WDR72: variants seen among roughly 807,000 people sequenced by gnomAD.
The protein encoded by WDR72 is WD repeat domain 72, also known as WD repeat-containing protein 72.
Under a neutral mutation model 124.2 loss-of-function variants are expected in WDR72, and 120 were observed. The observed-to-expected ratio is 0.97, with a 90% CI of 0.83 to 1.12. The LOEUF (loss-of-function observed/expected upper bound fraction) is 1.12, where lower values mean the gene tolerates loss of function less well. WDR72 is among the 50% of genes most tolerant of loss of function. WDR72 has a pLI of 0.00. For missense variants in WDR72, 1,387 were observed against 1,278.8 expected (o/e 1.08, Z -1.29); for synonymous variants, 452 against 441.7 (o/e 1.02, Z -0.29).
At chr15:53,638,580 CTTT>C (rs3081298) in intron 14 of WDR72, among the ~76,000 whole-genome samples, 42,605 of 125,502 alleles carry the variant, frequency 0.34, 6,398 homozygotes, top group Middle Eastern at 0.54. Flanking sequence ...TAATCACATT[CTTT>C]TTTTTTTTTT....
intron 6 of WDR72, 72 bp from the exon 7 acceptor site, chr15:53,712,963 C>A: frequency 6.5e-7 from 1 of 1,541,010 alleles, no homozygotes; most frequent in Non-Finnish European, 8.9e-7. Flanking sequence ...AGACCTGCTT[C>A]CCGTACATCT....
chr15:53,732,871 T>C, intron 2 of WDR72, 126 bp downstream of exon 2: 1 of 1,152,208 alleles, frequency 8.7e-7, no homozygotes, highest in Non-Finnish European at 1.3e-6. Context: ...GTAAAATCAA[T>C]TTATTACTTT....
intron 13 of WDR72, among the ~76,000 whole-genome samples, chr15:53,685,770 A>G (rs1359898403): frequency 6.7e-6 from 1 of 150,040 alleles, no homozygotes; most frequent in African/African-American, 2.5e-5. Flanking sequence ...CAGATTCACC[A>G]AAGTTGAAAT....
intron 19 of WDR72, among the ~76,000 whole-genome samples, chr15:53,519,781 G>A (rs1053112670): frequency 6.6e-6 from 1 of 151,980 alleles, no homozygotes; most frequent in Non-Finnish European, 1.5e-5. Flanking sequence ...GTGCTCTAGA[G>A]ACCAGGTGAA....
rs1555419638 is a variant in WDR72 at position 53,655,259 on chromosome 15, A to AAG, written c.1962+10311_1962+10312dup. On this transcript the variant is annotated intron_variant, in intron 14 of 19. Transcript: ENST00000360509. ...AAAAAAAAAAAAAAAAAAAAAAAAAAAGAGATCTTAAAGACAATTTGTTAC... is the reference window on the plus strand; with the variant it reads ...AAAAAAAAAAAAAAAAAAAAAAAAAAAGAGAGATCTTAAAGACAATTTGTTAC... Among the ~76,000 whole-genome samples the AAG allele has an allele frequency of 7.3e-3, 876 of 119,262 alleles. 34 individuals carry two copies. Among genetic ancestry groups the AAG allele is most frequent in the East Asian group, 0.026 (87 of 3,386 alleles). The allele number at this position is 119,262 out of a possible 152,430, so 78.2% of individuals were successfully genotyped here.
chr15:53,569,003 G>A (rs548339728), intron 18 of WDR72, among the ~76,000 whole-genome samples: 5 of 151,948 alleles, frequency 3.3e-5, no homozygotes, highest in Non-Finnish European at 7.4e-5. Flanking sequence ...TTTTCTTAGA[G>A]TAATTGGGAG....
intron 18 of WDR72, among the ~76,000 whole-genome samples, chr15:53,560,417 C>T (rs1039311957): frequency 2.0e-5 from 3 of 151,822 alleles, no homozygotes; most frequent in South Asian, 2.1e-4. Context: ...CTTGTCCTTA[C>T]GAGCAACTCT....
At position 53,712,788 on chromosome 15, in the gene WDR72, A is replaced by G. The variant is rs754031142; in HGVS notation, c.695T>C (p.Phe232Ser). ...TYTERLLLVV[F>S]SKCWKVYDYC... ...TTATAATACCTTCCAACATTTAGAAAATACCACCAATAGAAGTCTCTCAGT... is the reference window on the plus strand; with the variant it reads ...TTATAATACCTTCCAACATTTAGAAGATACCACCAATAGAAGTCTCTCAGT... The change falls in exon 7 of 20, where the codon TTT (phenylalanine) becomes TCT (serine). Residue 232 changes from phenylalanine (F) to serine (S), a missense_variant. By Grantham distance (155) the Phe-to-Ser change is radical. Transcript: ENST00000360509. The G allele has an allele frequency of 5.0e-6, 8 of 1,613,026 alleles. No individual in the cohort carries two copies. The highest frequency in any genetic ancestry group is 6.8e-6 in the Non-Finnish European group (8 of 1,179,222).
rs116284005 is a variant in WDR72, at chr15:53,595,214, A to G, written c.3148+1865T>C. 9.4e-3 allele frequency among the ~76,000 whole-genome samples: 1,427 copies of G among 152,276 alleles called. 32 individuals are homozygous for G. The highest frequency in any genetic ancestry group is 0.033 in the African/African-American group (1,376 of 41,566). On this transcript the variant is annotated intron_variant, in intron 18 of 19. Coordinates refer to ENST00000360509, the MANE Select transcript of WDR72 (RefSeq NM_182758.4). ...CAAAAAAAGGACTATTCAATAATTA[A>G]TCAAAAGAGAGTTAATACCACACTT...
In WDR72 at chr15:53,710,563, C is replaced by T. The variant is rs190836665; in HGVS notation, c.954+294G>A. Among the ~76,000 whole-genome samples the T allele has an allele frequency of 1.2e-3, 180 of 152,244 alleles. 1 individual carries two copies. The highest frequency in any genetic ancestry group is 2.3e-3 in the Non-Finnish European group (158 of 68,006). ...AAAAAATCTCAGTGAATATGTACTG[C>T]GGTGAAATTAGGAATTTTAATTTCT... On this transcript the variant is annotated intron_variant, in intron 9 of 19. Coordinates refer to ENST00000360509, the MANE Select transcript of WDR72 (RefSeq NM_182758.4).
intron 13 of WDR72, among the ~76,000 whole-genome samples, chr15:53,688,800 C>G (rs555438949): frequency 1.3e-5 from 2 of 152,074 alleles, no homozygotes; most frequent in South Asian, 4.1e-4. Flanking sequence ...CATCACACTA[C>G]CTGACTTCAA....
At chr15:53,681,257 G>C (rs547396406) in intron 13 of WDR72, among the ~76,000 whole-genome samples, 43 of 152,298 alleles carry the variant, frequency 2.8e-4, no homozygotes, top group Non-Finnish European at 8.8e-5. Flanking sequence ...CTGGGAAGTT[G>C]CTAGGGAATT....
intron 18 of WDR72, among the ~76,000 whole-genome samples, chr15:53,589,513 T>C (rs553789055): frequency 6.6e-6 from 1 of 152,020 alleles, no homozygotes; most frequent in East Asian, 1.9e-4. Context: ...AAAAGATAAA[T>C]AGACCTGATC....
In WDR72 at chr15:53,712,413, T is replaced by C. The variant is rs1388467977; in HGVS notation, c.711+359A>G. Reference sequence around the variant, plus strand: ...GAGTTTGAGATCGGCCTGACCAACATGGTGAAACCCGGTCTCTCCTAAAAA... The same window carrying C: ...GAGTTTGAGATCGGCCTGACCAACACGGTGAAACCCGGTCTCTCCTAAAAA... On this transcript the variant is annotated intron_variant, in intron 7 of 19. Coordinates refer to ENST00000360509, the MANE Select transcript of WDR72 (RefSeq NM_182758.4). Among the ~76,000 whole-genome samples, 3 of 152,110 alleles carry C rather than the reference T, an allele frequency of 2.0e-5. No homozygotes were observed. The East Asian group carries it at 5.8e-4, about 29-fold the overall frequency.
Position 53,711,098 on chromosome 15 carries a change from A to G in WDR72, c.858-145T>C, listed in dbSNP as rs1308018047. On this transcript the variant is annotated intron_variant, in intron 8 of 19. Transcript: ENST00000360509. ...ATTGTTGGGTTAATAATTACAAGTG[A>G]CTTTTTGAAAACCCAGCACCAGCTG... The G allele has an allele frequency of 5.6e-6, 5 of 895,530 alleles. No individual in the cohort carries two copies. In the Admixed American group the frequency reaches 8.7e-5, roughly 16 times the overall value. The allele number at this position is 895,530 out of a possible 1,614,324, so 55.5% of individuals were successfully genotyped here. A position where few individuals can be genotyped will look rare whatever the true frequency, so the allele number is the denominator to read the frequency against.
At chr15:53,583,295 C>T (rs1176442980) in intron 18 of WDR72, among the ~76,000 whole-genome samples, 2 of 151,940 alleles carry the variant, frequency 1.3e-5, no homozygotes, top group African/African-American at 2.4e-5. Flanking sequence ...CTGTTGTATA[C>T]GTAGAAAAGG....
At chr15:53,704,510 T>C (rs1230799784) in intron 11 of WDR72, among the ~76,000 whole-genome samples, 1 of 150,662 alleles carries the variant, frequency 6.6e-6, no homozygotes, top group Non-Finnish European at 1.5e-5. Flanking sequence ...TCTGCTTGAG[T>C]TTTTTTTGTT....
At chr15:53,720,495 T>C (rs2017847411) in intron 3 of WDR72, among the ~76,000 whole-genome samples, 1 of 152,240 alleles carries the variant, frequency 6.6e-6, no homozygotes, top group South Asian at 2.1e-4. Flanking sequence ...AGAAATGTGT[T>C]ATTATACTTA....
intron 18 of WDR72, among the ~76,000 whole-genome samples, chr15:53,539,263 A>C (rs375091555): frequency 2.6e-5 from 4 of 152,162 alleles, no homozygotes; most frequent in Non-Finnish European, 5.9e-5. Context: ...GATAACTAGA[A>C]TAATTGAAAA....
Sources: gnomAD v4.1 joint callset for allele counts (sites outside exome capture counted in the v4.1 genomes callset) on GRCh38, gnomAD v4.1.1 for gene constraint, MANE v1.5 for transcripts, NCBI Gene and HGNC (gene_info 2026-07-23, HGNC 2026-07-21) for gene names.